Variants in FRMD4A observed in about 807,000 individuals in gnomAD.
FRMD4A encodes the protein FERM domain containing 4A.
In FRMD4A, 29 loss-of-function variants were observed where a neutral mutation model predicts 129.1. The observed-to-expected ratio is 0.22, with a 90% confidence interval of 0.17 to 0.31. The LOEUF is 0.31. Ranked by LOEUF, FRMD4A falls within the 10% of genes least tolerant of loss-of-function variation. The pLI, the probability that FRMD4A is intolerant of heterozygous loss-of-function variation, is 1.00. For synonymous variants in FRMD4A, 634 were observed against 571.6 expected, an observed-to-expected ratio of 1.11 and a Z score of -1.56; for missense variants, 1,272 against 1,375.8, an observed-to-expected ratio of 0.92 and a Z score of 1.19.
chr10:14,125,732 C>G (rs1376901898), intron 2 of FRMD4A, among the ~76,000 whole-genome samples: 4 of 148,320 alleles, frequency 2.7e-5, no homozygotes, highest in Non-Finnish European at 5.9e-5. Context: ...GACACACACA[C>G]ACACACACGT....
intron 2 of FRMD4A, among the ~76,000 whole-genome samples, chr10:14,166,362 C>T (rs10906617): frequency 0.38 from 57,942 of 151,876 alleles, 11,350 homozygotes; most frequent in East Asian, 0.54. Context: ...ATACAAGAAA[C>T]TAACTTGTTT....
intron 6 of FRMD4A, among the ~76,000 whole-genome samples, chr10:13,779,805 T>G (rs117731331): frequency 5.9e-4 from 87 of 147,202 alleles, no homozygotes; most frequent in East Asian, 3.3e-3. Context: ...AAAAAAGCAG[T>G]GTCTATCTCA....
intron 2 of FRMD4A, among the ~76,000 whole-genome samples, chr10:14,016,964 T>A (rs1565187322): frequency 6.6e-6 from 1 of 152,204 alleles, no homozygotes; most frequent in African/African-American, 2.4e-5. Context: ...CAGACAGAGA[T>A]CTTGCTCACA....
At chr10:14,327,034 A>G in intron 2 of FRMD4A, 1 of 398,520 alleles carries the variant, frequency 2.5e-6, no homozygotes, top group South Asian at 1.3e-4. Context: ...TGAAAGAATC[A>G]GTGAGGTCCT....
chr10:13,773,019 G>A (rs2092502078), intron 6 of FRMD4A, among the ~76,000 whole-genome samples: 1 of 152,042 alleles, frequency 6.6e-6, no homozygotes, highest in Admixed American at 6.6e-5. Flanking sequence ...GCCCTGATGT[G>A]GTTATTACAC....
chr10:14,330,215 G>C (rs1277823447), intron 1 of FRMD4A, 32 bp from the exon 2 acceptor site: 1 of 1,067,508 alleles, frequency 9.4e-7, no homozygotes, highest in Non-Finnish European at 1.4e-6. Flanking sequence ...TCCAGACTTA[G>C]GGAGCAAAAG....
chr10:14,132,527 C>T (rs1175976464), intron 2 of FRMD4A, among the ~76,000 whole-genome samples: 1 of 152,170 alleles, frequency 6.6e-6, no homozygotes, highest in Non-Finnish European at 1.5e-5. Flanking sequence ...GCTGGCCCCT[C>T]TTTGTTCCCC....
intron 24 of FRMD4A, among the ~76,000 whole-genome samples, chr10:13,650,650 TCCTTCCAAAG>T (rs1467197861): frequency 6.6e-6 from 1 of 152,194 alleles, no homozygotes; most frequent in Admixed American, 6.5e-5. Flanking sequence ...GGGTCTACCT[TCCTTCCAAAG>T]CCTAAGTCCC....
chr10:14,012,017 GAAA>G (rs112386377), intron 2 of FRMD4A, among the ~76,000 whole-genome samples: 3 of 107,682 alleles, frequency 2.8e-5, no homozygotes, highest in African/African-American at 6.8e-5. Context: ...TGTCTCAAAG[GAAA>G]AAAAAAAAAA....
chr10:14,220,392 C>T (rs1032350234), intron 2 of FRMD4A, among the ~76,000 whole-genome samples: 1 of 152,188 alleles, frequency 6.6e-6, no homozygotes, highest in African/African-American at 2.4e-5. Flanking sequence ...CCTTTAAGCA[C>T]TTTGTGGTAA....
intron 3 of FRMD4A, among the ~76,000 whole-genome samples, chr10:13,839,475 T>C (rs1185277894): frequency 6.6e-6 from 1 of 152,204 alleles, no homozygotes; most frequent in African/African-American, 2.4e-5. Flanking sequence ...ACCAGAGTAA[T>C]GCAGAGGGCA....
chr10:13,850,998 T>G (rs1016210742), intron 3 of FRMD4A, among the ~76,000 whole-genome samples: 1 of 152,128 alleles, frequency 6.6e-6, no homozygotes, highest in Non-Finnish European at 1.5e-5. Flanking sequence ...GTGGATCACC[T>G]GAGATCAGGA....
At chr10:13,965,132 G>T (rs1321730825) in intron 2 of FRMD4A, among the ~76,000 whole-genome samples, 2 of 151,068 alleles carry the variant, frequency 1.3e-5, no homozygotes, top group Admixed American at 1.3e-4. Flanking sequence ...TTGGGAGAGA[G>T]GAATATATTT....
chr10:13,841,724 C>G (rs1196888649), intron 3 of FRMD4A, among the ~76,000 whole-genome samples: 1 of 152,164 alleles, frequency 6.6e-6, no homozygotes, highest in African/African-American at 2.4e-5. Context: ...TTGGTGGGCC[C>G]TGGCTAGCCT....
At position 13,784,265 on chromosome 10, in the gene FRMD4A, C is replaced by G. The variant is rs145234924; in HGVS notation, c.300-1259G>C. Reference sequence around the variant, plus strand: ...GAGAGCAGTGATGGAGTCCCCAGCTCTGTGTGACTCAGGGCAGTCACATCA... The same window carrying G: ...GAGAGCAGTGATGGAGTCCCCAGCTGTGTGTGACTCAGGGCAGTCACATCA... On this transcript the variant is annotated intron_variant, in intron 5 of 24. Coordinates refer to ENST00000357447, the MANE Select transcript of FRMD4A (RefSeq NM_018027.5). 7.9e-3 allele frequency among the ~76,000 whole-genome samples: 1,196 copies of G among 152,290 alleles called. 14 individuals carry two copies. The highest frequency in any genetic ancestry group is 0.023 in the African/African-American group (939 of 41,562).
At chr10:14,322,865 A>G (rs1456615212) in intron 2 of FRMD4A, among the ~76,000 whole-genome samples, 1 of 152,224 alleles carries the variant, frequency 6.6e-6, no homozygotes, top group Non-Finnish European at 1.5e-5. Context: ...TCTCCAAACC[A>G]CTATTATACT....
intron 2 of FRMD4A, among the ~76,000 whole-genome samples, chr10:14,060,544 T>A (rs1334903974): frequency 6.6e-6 from 1 of 152,160 alleles, no homozygotes; most frequent in African/African-American, 2.4e-5. Flanking sequence ...GTAGAAGGCA[T>A]TTTCATGTTC....
intron 2 of FRMD4A, among the ~76,000 whole-genome samples, chr10:13,906,427 C>A (rs984504159): frequency 1.7e-4 from 26 of 152,124 alleles, no homozygotes; most frequent in African/African-American, 5.8e-4. Flanking sequence ...GAGTTCTAAC[C>A]TTTTCTTCAT....
rs12251106 is a variant in FRMD4A at position 13,797,039 on chromosome 10, C to A, written c.207-451G>T. On this transcript the variant is annotated intron_variant, in intron 4 of 24. Coordinates refer to ENST00000357447, the MANE Select transcript of FRMD4A (RefSeq NM_018027.5). ...CCGGCCACCTTCACCTTATTACTAG[C>A]TTTTCAGTATTGAAGAACCCAGTGG... 3.9e-3 allele frequency among the ~76,000 whole-genome samples: 588 copies of A among 152,202 alleles called. 4 individuals carry two copies. Among genetic ancestry groups the A allele is most frequent in the African/African-American group, 0.013 (530 of 41,542 alleles).
Sources: allele counts gnomAD v4.1 joint callset (sites outside exome capture counted in the v4.1 genomes callset), GRCh38; gene constraint gnomAD v4.1.1; transcripts MANE v1.5; gene names NCBI Gene and HGNC (gene_info 2026-07-23, HGNC 2026-07-21).